Variants in CDA observed in about 807,000 individuals in gnomAD.
CDA encodes the protein cytidine deaminase.
CDA carries 7 observed loss-of-function variants against 15.0 expected under a neutral mutation model. The observed-to-expected ratio is 0.47, with a 90% CI of 0.26 to 0.87. The LOEUF (loss-of-function observed/expected upper bound fraction) is 0.87. Ranked by LOEUF, CDA falls within the 40% of genes least tolerant of loss-of-function variation. The probability of loss-of-function intolerance (pLI) is 0.15; values close to 1 mark genes in which losing one functional copy is unlikely to be tolerated. For synonymous variants in CDA, 58 were observed against 73.0 expected, an observed-to-expected ratio of 0.79 and a Z score of 1.05; for missense variants, 159 against 182.7, an observed-to-expected ratio of 0.87 and a Z score of 0.75.
At position 20,589,258 on chromosome 1, in the gene CDA, C is replaced by T. The variant is rs149177918; in HGVS notation, c.129C>T (p.Leu43=). ...YSHFPVGAAL[L]TQEGRIFKGC... ...ACTTTCCTGTGGGGGCTGCCCTGCT[C>T]ACCCAGGAGGGGAGAATCTTCAAAG... The change falls in exon 1 of 4, where the codon CTC becomes CTT. Residue 43 remains leucine (L), a synonymous_variant. Coordinates refer to ENST00000375071, the MANE Select transcript of CDA (RefSeq NM_001785.3). 1.7e-5 allele frequency: 28 copies of T among 1,613,984 alleles called. No homozygotes were observed. In the African/African-American group the frequency reaches 2.1e-4, roughly 12 times the overall value.
At chr1:20,612,514 T>C (rs1422422009) in intron 2 of CDA, among the ~76,000 whole-genome samples, 2 of 147,324 alleles carry the variant, frequency 1.4e-5, no homozygotes, top group Non-Finnish European at 3.0e-5. Flanking sequence ...CCCCCGCCCC[T>C]GCCCACAAGA....
At chr1:20,599,741 G>A (rs2052624877) in intron 1 of CDA, among the ~76,000 whole-genome samples, 1 of 152,200 alleles carries the variant, frequency 6.6e-6, no homozygotes, top group Non-Finnish European at 1.5e-5. Context: ...AAGGTGCAGA[G>A]GGTCACATAG....
At chr1:20,610,141 CT>C (rs2052733140) in intron 2 of CDA, among the ~76,000 whole-genome samples, 1 of 152,098 alleles carries the variant, frequency 6.6e-6, no homozygotes, top group African/African-American at 2.4e-5. Context: ...TTGTTCACTG[CT>C]GCACTCCTAG....
At position 20,589,253 on chromosome 1, in the gene CDA, C is replaced by A. The variant is rs773727127; in HGVS notation, c.124C>A (p.Leu42Met). 1 of 1,614,122 alleles carries A rather than the reference C, an allele frequency of 6.2e-7. No homozygotes were observed. The highest frequency in any genetic ancestry group is 8.5e-7 in the Non-Finnish European group (1 of 1,180,006). The change falls in exon 1 of 4, where the codon CTG becomes ATG. Residue 42 changes from leucine (L) to methionine (M), a missense_variant. By Grantham distance (15) the Leu-to-Met change is conservative. Coordinates refer to ENST00000375071, the MANE Select transcript of CDA (RefSeq NM_001785.3). ...CAGTCACTTTCCTGTGGGGGCTGCC[C>A]TGCTCACCCAGGAGGGGAGAATCTT... ...PYSHFPVGAA[L>M]LTQEGRIFKG...
At chr1:20,608,602 G>T (rs1444813045) in intron 2 of CDA, among the ~76,000 whole-genome samples, 1 of 152,130 alleles carries the variant, frequency 6.6e-6, no homozygotes, top group Non-Finnish European at 1.5e-5. Flanking sequence ...TAGAGACAGG[G>T]TTTCACCACG....
At chr1:20,604,751 G>T (rs2052678273) in intron 1 of CDA, among the ~76,000 whole-genome samples, 177 bp from the exon 2 acceptor site, 1 of 152,116 alleles carries the variant, frequency 6.6e-6, no homozygotes, top group Non-Finnish European at 1.5e-5. Flanking sequence ...CACTACCATG[G>T]GCCAAAGAAT....
At chr1:20,611,644 G>T (rs1339672503) in intron 2 of CDA, among the ~76,000 whole-genome samples, 1 of 152,112 alleles carries the variant, frequency 6.6e-6, no homozygotes, top group East Asian at 1.9e-4. Flanking sequence ...CTCCCAAAGT[G>T]CTGGGATTAT....
chr1:20,594,645 C>T (rs769978348), intron 1 of CDA, among the ~76,000 whole-genome samples: 5 of 151,704 alleles, frequency 3.3e-5, no homozygotes, highest in Non-Finnish European at 5.9e-5. Context: ...AAAAATTAGC[C>T]AGGTATGGTG....
chr1:20,599,857 G>A (rs141549513), intron 1 of CDA, among the ~76,000 whole-genome samples: 22 of 152,180 alleles, frequency 1.4e-4, no homozygotes, highest in African/African-American at 4.3e-4. Flanking sequence ...TGCTTTACAC[G>A]AGTGATCTCA....
At chr1:20,613,999 GAGACA>G in intron 3 of CDA, 100 bp downstream of exon 3, 1 of 1,059,354 alleles carries the variant, frequency 9.4e-7, no homozygotes, top group Non-Finnish European at 1.5e-6. Flanking sequence ...GGCAGGCGTG[GAGACA>G]CAGCTACTGT....
intron 2 of CDA, among the ~76,000 whole-genome samples, chr1:20,606,348 C>T (rs1027202593): frequency 1.3e-5 from 2 of 151,764 alleles, no homozygotes; most frequent in Non-Finnish European, 1.5e-5. Context: ...AACAAAAAAG[C>T]GGGAGGGACC....
chr1:20,617,718 C>T (rs930582751), intron 3 of CDA, among the ~76,000 whole-genome samples: 7 of 148,848 alleles, frequency 4.7e-5, no homozygotes, highest in East Asian at 2.0e-4. Context: ...TTTTTGAGAC[C>T]GAGTCTCGCT....
At position 20,607,141 on chromosome 1, in the gene CDA, C is replaced by G. The variant is rs2052701405; in HGVS notation, c.266+2102C>G. ...GCTAAAATACAGAAAGAGAGCTACA[C>G]CTTTTAGCACCTTTCTGGCTAAAAT... On this transcript the variant is annotated intron_variant, in intron 2 of 3. Transcript: ENST00000375071. Among the ~76,000 whole-genome samples the G allele has an allele frequency of 2.0e-5, 3 of 152,182 alleles. No individual in the cohort carries two copies. The South Asian group carries it at 6.2e-4, about 32-fold the overall frequency.
chr1:20,612,470 G>A (rs1035985059), intron 2 of CDA, among the ~76,000 whole-genome samples: 5 of 149,594 alleles, frequency 3.3e-5, no homozygotes, highest in African/African-American at 5.0e-5. Context: ...CACCGACAAT[G>A]AGTCTCACGG....
At chr1:20,617,000 A>G (rs1201548192) in intron 3 of CDA, among the ~76,000 whole-genome samples, 2 of 152,196 alleles carry the variant, frequency 1.3e-5, no homozygotes, top group African/African-American at 4.8e-5. Flanking sequence ...TACTATGTGC[A>G]TAGAGATGCT....
chr1:20,589,916 C>T (rs2052533513), intron 1 of CDA, among the ~76,000 whole-genome samples: 1 of 151,578 alleles, frequency 6.6e-6, no homozygotes, highest in African/African-American at 2.4e-5. Context: ...CAGTGAGCAG[C>T]GCCCTGCGGG....
intron 1 of CDA, among the ~76,000 whole-genome samples, chr1:20,601,068 T>A (rs1338888080): frequency 6.6e-6 from 1 of 152,224 alleles, no homozygotes; most frequent in Non-Finnish European, 1.5e-5. Context: ...AAAAGGAGGA[T>A]GTATGGATTC....
chr1:20,614,747 G>GCT (rs1346136265), intron 3 of CDA, among the ~76,000 whole-genome samples: 1 of 152,230 alleles, frequency 6.6e-6, no homozygotes, highest in Non-Finnish European at 1.5e-5. Flanking sequence ...GGGCCTGGTA[G>GCT]GTGGAAGGAA....
intron 1 of CDA, among the ~76,000 whole-genome samples, chr1:20,596,332 C>T (rs1008662078): frequency 2.0e-5 from 3 of 152,118 alleles, no homozygotes; most frequent in Admixed American, 2.0e-4. Flanking sequence ...GATTCTCAAA[C>T]GTGGTCCCAG....
Sources: gnomAD v4.1 joint callset for allele counts (sites outside exome capture counted in the v4.1 genomes callset) on GRCh38, gnomAD v4.1.1 for gene constraint, MANE v1.5 for transcripts, NCBI Gene and HGNC (gene_info 2026-07-23, HGNC 2026-07-21) for gene names.